Variants in DEPDC4 observed in about 807,000 individuals in gnomAD.
DEPDC4 encodes DEP domain-containing protein 4.
DEPDC4 carries 52 observed loss-of-function variants against 52.0 expected under a neutral mutation model. The ratio of observed to expected loss-of-function variants is 1.00; its 90% confidence interval spans 0.80 to 1.26. DEPDC4 has a LOEUF of 1.26. Ranked by LOEUF, DEPDC4 falls within the 50% of genes most tolerant of loss-of-function variation. The pLI, the probability that DEPDC4 is intolerant of heterozygous loss-of-function variation, is 0.00. For missense variants in DEPDC4, 530 were observed against 546.9 expected, an observed-to-expected ratio of 0.97 and a Z score of 0.31; for synonymous variants, 201 against 196.8, an observed-to-expected ratio of 1.02 and a Z score of -0.18.
chr12:100,232,364 C>A (rs2096135966), intron 9 of DEPDC4, among the ~76,000 whole-genome samples: 2 of 151,620 alleles, frequency 1.3e-5, no homozygotes, highest in African/African-American at 4.9e-5. Flanking sequence ...CCACTGCACT[C>A]CAGCCTGGGC....
chr12:100,281,221 G>T, the DEPDC4 span, among the ~76,000 whole-genome samples: 7 of 151,700 alleles, frequency 4.6e-5, no homozygotes, highest in Non-Finnish European at 7.4e-5. Context: ...TAGGGACAGG[G>T]TTTCTCCATG....
downstream of DEPDC4, among the ~76,000 whole-genome samples, chr12:100,238,634 C>G (rs1427953254): frequency 5.9e-4 from 89 of 151,488 alleles, 1 homozygote; most frequent in Non-Finnish European, 7.4e-5. Flanking sequence ...TATAGGCACC[C>G]ACCACTGTAC....
At chr12:100,273,568 G>A in the DEPDC4 span, among the ~76,000 whole-genome samples, 2 of 152,066 alleles carry the variant, frequency 1.3e-5, no homozygotes, top group African/African-American at 4.8e-5. Context: ...TTTGCCATAC[G>A]TACATCAGTG....
chr12:100,277,253 AGT>A, the DEPDC4 span, among the ~76,000 whole-genome samples: 13 of 152,154 alleles, frequency 8.5e-5, no homozygotes, highest in African/African-American at 3.1e-4. Context: ...TCATTTGTAG[AGT>A]GTGTGTTTTA....
the DEPDC4 span, among the ~76,000 whole-genome samples, chr12:100,273,843 C>T: frequency 2.6e-5 from 4 of 152,266 alleles, no homozygotes; most frequent in Non-Finnish European, 4.4e-5. Flanking sequence ...TGCTATTGGA[C>T]GGAGTCCCTA....
intron 1 of DEPDC4, among the ~76,000 whole-genome samples, chr12:100,264,610 TG>T (rs2153925407): frequency 6.6e-6 from 1 of 151,500 alleles, no homozygotes; most frequent in South Asian, 2.1e-4. Flanking sequence ...ACCCAGGAGA[TG>T]GAGGTTGCAG....
At chr12:100,232,797 C>A (rs753216805) in intron 9 of DEPDC4, among the ~76,000 whole-genome samples, 1 of 151,982 alleles carries the variant, frequency 6.6e-6, no homozygotes, top group Admixed American at 6.6e-5. Flanking sequence ...GCAGAACAAT[C>A]GCTTGAACCT....
At chr12:100,262,141 G>T (rs1163105508) in intron 3 of DEPDC4, 123 bp downstream of exon 3, 2 of 875,160 alleles carry the variant, frequency 2.3e-6, no homozygotes, top group Admixed American at 3.0e-5. Context: ...GGAAGCAAGG[G>T]GTATGTGGGA....
chr12:100,242,105 A>C (rs2096161785), intron 9 of DEPDC4, among the ~76,000 whole-genome samples: 1 of 152,212 alleles, frequency 6.6e-6, no homozygotes, highest in African/African-American at 2.4e-5. Flanking sequence ...ATACATAAAA[A>C]ATTTAAGTGA....
At chr12:100,238,059 G>A (rs1455083903), downstream of DEPDC4, 1 of 983,652 alleles carries the variant, frequency 1.0e-6, no homozygotes, top group East Asian at 1.1e-4. Context: ...TATTTTCCCG[G>A]TATCTCTTCA....
chr12:100,241,629 T>C lies in DEPDC4; in HGVS notation c.*263A>G, dbSNP rs1052096881. 4.5e-6 allele frequency: 5 copies of C among 1,103,752 alleles called. No homozygotes were observed. In the African/African-American group the frequency reaches 5.0e-5, roughly 11 times the overall value. 68.4% of individuals were successfully genotyped at this position (1,103,752 alleles called of 1,614,324 possible). ...GCAATTTGAGAAAACCACCAGAGAA[T>C]TGTTTATATTTACAAATTGTAGTTT... is the stretch of plus-strand genomic sequence containing the variant. On this transcript the variant is annotated 3_prime_UTR_variant, in exon 10 of 10. Coordinates refer to ENST00000550587, the MANE Select transcript of DEPDC4 (RefSeq NM_001364818.2).
chr12:100,244,320 A>G (rs1468912205), intron 8 of DEPDC4, among the ~76,000 whole-genome samples: 2 of 150,440 alleles, frequency 1.3e-5, no homozygotes, highest in African/African-American at 2.4e-5. Flanking sequence ...GGCTGGGACT[A>G]CAGGCACCCG....
Position 100,254,514 on chromosome 12 carries a change from C to T in DEPDC4, c.879-799G>A, listed in dbSNP as rs115198532. Among the ~76,000 whole-genome samples the T allele has an allele frequency of 4.3e-3, 655 of 151,678 alleles. 5 individuals carry two copies. Among genetic ancestry groups the T allele is most frequent in the African/African-American group, 0.015 (636 of 41,390 alleles). The stretch of plus-strand genomic sequence containing the variant: ...CTAATTTTTGTATTTTGCATAGAGA[C>T]GGGGTTTTACTATGGTTGCTCAGGC... On this transcript the variant is annotated intron_variant, in intron 4 of 9. Transcript: ENST00000550587.
intron 9 of DEPDC4, among the ~76,000 whole-genome samples, 195 bp from the exon 10 acceptor site, chr12:100,242,040 A>G (rs957691406): frequency 6.6e-6 from 1 of 152,136 alleles, no homozygotes; most frequent in Non-Finnish European, 1.5e-5. Context: ...TACATACATT[A>G]TTTGATCTCT....
intron 8 of DEPDC4, among the ~76,000 whole-genome samples, chr12:100,247,453 G>T (rs1328690055): frequency 6.6e-6 from 1 of 151,996 alleles, no homozygotes; most frequent in East Asian, 1.9e-4. Flanking sequence ...TGATCTGCCC[G>T]CCTTGGCCTC....
At position 100,240,068 on chromosome 12, in the gene DEPDC4, T is replaced by C. The variant is rs2096152468; in HGVS notation, c.*1824A>G. Reference sequence around the variant, plus strand: ...AAAGATAAAACTGATGACATCTGTCTAATATAGTTTATTTTTTCAAGAATT... The same window carrying C: ...AAAGATAAAACTGATGACATCTGTCCAATATAGTTTATTTTTTCAAGAATT... On this transcript the variant is annotated 3_prime_UTR_variant, in exon 10 of 10. Transcript: ENST00000550587. Among the ~76,000 whole-genome samples the C allele has an allele frequency of 6.6e-6, 1 of 152,216 alleles. No homozygotes were observed. Among genetic ancestry groups the C allele is most frequent in the African/African-American group, 2.4e-5 (1 of 41,456 alleles).
rs1819402147 is a variant in DEPDC4 at position 100,256,133 on chromosome 12, T to C, written c.794A>G (p.Asn265Ser). Residue 265 changes from asparagine (N) to serine (S), a missense_variant, in exon 4 of 10, where the codon AAT becomes AGT. Physicochemically the swap from Asn to Ser is conservative, Grantham distance 46. Coordinates refer to ENST00000550587, the MANE Select transcript of DEPDC4 (RefSeq NM_001364818.2). ...ATCTTCCTCTTTGTTTAGTTGAAGA[T>C]TTTGTGTTTTAACTGGAGGCTCCAA... ...NILEPPVKTQNLQLNKEEDLV... is the reference protein window; with the variant it reads ...NILEPPVKTQSLQLNKEEDLV... The C allele has an allele frequency of 6.2e-7, 1 of 1,613,096 alleles. No homozygotes were observed. The highest frequency in any genetic ancestry group is 1.7e-5 in the Admixed American group (1 of 59,992).
At chr12:100,235,976 A>G (rs1268916397), downstream of DEPDC4, among the ~76,000 whole-genome samples, 1 of 152,210 alleles carries the variant, frequency 6.6e-6, no homozygotes, top group East Asian at 1.9e-4. Context: ...CTTCACATAG[A>G]ATAATGGTCT....
the DEPDC4 span, among the ~76,000 whole-genome samples, chr12:100,273,197 C>T: frequency 6.6e-6 from 1 of 152,076 alleles, no homozygotes; most frequent in Non-Finnish European, 1.5e-5. Flanking sequence ...TTTTTAGCCT[C>T]CTTTGCCATA....
Sources: allele counts gnomAD v4.1 joint callset (sites outside exome capture counted in the v4.1 genomes callset), GRCh38; gene constraint gnomAD v4.1.1; transcripts MANE v1.5; gene names NCBI Gene and HGNC (gene_info 2026-07-23, HGNC 2026-07-21).